RGL1: variants seen among roughly 807,000 people sequenced by gnomAD.
The protein encoded by RGL1 is ral guanine nucleotide dissociation stimulator like 1.
A neutral mutation model predicts 95.2 loss-of-function variants in RGL1; 24 were observed. The observed-to-expected ratio is 0.25, with a 90% CI of 0.18 to 0.35. The LOEUF (loss-of-function observed/expected upper bound fraction) is 0.35. Ranked by LOEUF, RGL1 falls within the 10% of genes least tolerant of loss-of-function variation. The probability of loss-of-function intolerance (pLI) is 1.00; values close to 1 mark genes in which losing one functional copy is unlikely to be tolerated. For synonymous variants in RGL1, 329 were observed against 344.9 expected (o/e 0.95, Z 0.51); for missense variants, 715 against 936.3 (o/e 0.76, Z 3.08).
intron 1 of RGL1, among the ~76,000 whole-genome samples, chr1:183,664,063 T>TGGGGGGGGGGGGGGGGGGGGGG (rs1651855909): frequency 1.1e-5 from 1 of 90,008 alleles, no homozygotes; most frequent in Admixed American, 1.8e-4. Context: ...AGGACTGTTG[T>TGGGGGGGGGGGGGGGGGGGGGG]GGGGTGGGGG....
At chr1:183,816,899 G>A (rs1662128818) in intron 2 of RGL1, among the ~76,000 whole-genome samples, 1 of 152,136 alleles carries the variant, frequency 6.6e-6, no homozygotes, top group Admixed American at 6.5e-5. Context: ...GATTCCAGGT[G>A]CATCGAGAAT....
intron 1 of RGL1, among the ~76,000 whole-genome samples, chr1:183,643,332 G>A (rs140167734): frequency 0.082 from 12,357 of 150,742 alleles, 996 homozygotes; most frequent in African/African-American, 0.21. Flanking sequence ...TCACTCTGTT[G>A]CCAGACTGGA....
intron 2 of RGL1, among the ~76,000 whole-genome samples, chr1:183,784,515 G>T (rs570504949): frequency 1.3e-5 from 2 of 152,330 alleles, no homozygotes; most frequent in East Asian, 3.9e-4. Context: ...TGGAACATGG[G>T]CCTGACTAGC....
intron 3 of RGL1, among the ~76,000 whole-genome samples, chr1:183,860,320 A>C (rs180869885): frequency 1.3e-5 from 2 of 152,154 alleles, no homozygotes; most frequent in Non-Finnish European, 2.9e-5. Flanking sequence ...TTTATTGTCT[A>C]CTTTGTGCAG....
At chr1:183,895,856 G>A (rs1318272083) in intron 9 of RGL1, among the ~76,000 whole-genome samples, 1 of 152,120 alleles carries the variant, frequency 6.6e-6, no homozygotes, top group Non-Finnish European at 1.5e-5. Context: ...AAATCATAAA[G>A]TCATGGAATC....
At chr1:183,844,264 C>T (rs752806649) in intron 2 of RGL1, among the ~76,000 whole-genome samples, 10 of 152,168 alleles carry the variant, frequency 6.6e-5, no homozygotes, top group Admixed American at 2.6e-4. Flanking sequence ...AAGGAATACA[C>T]ATTTGAAAAT....
chr1:183,638,643 A>G (rs1299963302), intron 1 of RGL1, among the ~76,000 whole-genome samples: 2 of 152,204 alleles, frequency 1.3e-5, no homozygotes, highest in African/African-American at 4.8e-5. Flanking sequence ...TAATCATGAT[A>G]CTTAATTCAT....
chr1:183,817,191 A>T (rs1662146033), intron 2 of RGL1, among the ~76,000 whole-genome samples: 1 of 152,166 alleles, frequency 6.6e-6, no homozygotes, highest in Non-Finnish European at 1.5e-5. Context: ...CTCATGACCT[A>T]ATCCCAGAGG....
chr1:183,790,496 G>A (rs1484221551), intron 2 of RGL1, among the ~76,000 whole-genome samples: 2 of 152,146 alleles, frequency 1.3e-5, no homozygotes, highest in African/African-American at 4.8e-5. Context: ...TTACCCTCAA[G>A]CCTTCTCAAG....
intron 1 of RGL1, chr1:183,648,260 G>C: frequency 3.1e-6 from 5 of 1,614,188 alleles, no homozygotes; most frequent in Non-Finnish European, 4.2e-6. Context: ...CCAGGCTCCG[G>C]AGAGCTTCGC....
intron 1 of RGL1, among the ~76,000 whole-genome samples, chr1:183,706,406 G>T (rs571899541): frequency 1.3e-4 from 20 of 152,204 alleles, no homozygotes; most frequent in Non-Finnish European, 2.4e-4. Context: ...CACCATCAGG[G>T]TTACCCTTGG....
At position 183,922,325 on chromosome 1, in the gene RGL1, C is replaced by T. The variant is rs146705243; in HGVS notation, c.2108C>T (p.Ser703Leu). ...GAGTACGAGCTGGTGCAGGTCATCT[C>T]GGAGGACAAAGGTGGGCATCCTTCC... is the stretch of plus-strand genomic sequence containing the variant. Reference protein sequence around the residue: ...AEEYELVQVISEDKELVIPDS... With the variant: ...AEEYELVQVILEDKELVIPDS... The change falls in exon 17 of 18, where the codon TCG becomes TTG. Residue 703 changes from serine to leucine, a missense_variant. Around this residue, in one of 3 missense-constraint regions of RGL1, gnomAD observed 330 missense variants for 429.6 expected, o/e 0.77. Coordinates refer to ENST00000360851, the MANE Select transcript of RGL1 (RefSeq NM_001297671.3). 4.3e-5 allele frequency: 70 copies of T among 1,613,290 alleles called. No individual in the cohort carries two copies. Among genetic ancestry groups the T allele is most frequent in the Non-Finnish European group, 5.7e-5 (67 of 1,179,600 alleles).
intron 1 of RGL1, among the ~76,000 whole-genome samples, chr1:183,642,837 G>A (rs1377589085): frequency 6.6e-6 from 1 of 152,174 alleles, no homozygotes; most frequent in African/African-American, 2.4e-5. Context: ...CCATTTTGAA[G>A]TGTACAATTA....
intron 3 of RGL1, 44 bp downstream of exon 3, chr1:183,847,818 G>T: frequency 6.7e-7 from 1 of 1,495,454 alleles, no homozygotes; most frequent in South Asian, 1.1e-5. Flanking sequence ...AATGTAGGCT[G>T]ATTATGGAGT....
At chr1:183,872,863 A>G (rs1021046960) in intron 4 of RGL1, among the ~76,000 whole-genome samples, 4 of 152,270 alleles carry the variant, frequency 2.6e-5, no homozygotes, top group Admixed American at 2.0e-4. Context: ...GGTGAAGAAC[A>G]GCAAAAACAA....
chr1:183,641,753 G>GT (rs1384935611), intron 1 of RGL1, among the ~76,000 whole-genome samples: 1 of 150,232 alleles, frequency 6.7e-6, no homozygotes, highest in Non-Finnish European at 1.5e-5. Context: ...GTTTTTGAAA[G>GT]TTAGAGTGTG....
chr1:183,822,865 C>A (rs1662585685), intron 2 of RGL1, among the ~76,000 whole-genome samples: 1 of 152,186 alleles, frequency 6.6e-6, no homozygotes, highest in Non-Finnish European at 1.5e-5. Flanking sequence ...ACTTTTGCAA[C>A]TCCACACTTC....
chr1:183,654,586 A>G (rs1651002931), intron 1 of RGL1, among the ~76,000 whole-genome samples: 2 of 152,234 alleles, frequency 1.3e-5, no homozygotes, highest in Non-Finnish European at 2.9e-5. Flanking sequence ...GTTCTGTAAG[A>G]AAGTATTAGC....
At chr1:183,644,442 T>C (rs1195903110) in intron 1 of RGL1, among the ~76,000 whole-genome samples, 3 of 152,116 alleles carry the variant, frequency 2.0e-5, no homozygotes, top group Admixed American at 1.3e-4. Flanking sequence ...TATTATTTTT[T>C]AGAAACAGGG....
Sources: gnomAD v4.1 joint callset for allele counts (sites outside exome capture counted in the v4.1 genomes callset) on GRCh38, gnomAD v4.1.1 for gene constraint, gnomAD v4.1.1 regional missense constraint, MANE v1.5 for transcripts, NCBI Gene and HGNC (gene_info 2026-07-23, HGNC 2026-07-21) for gene names.